Variants in AFDN observed in about 807,000 individuals in gnomAD.
AFDN encodes the protein afadin.
A neutral mutation model predicts 216.6 loss-of-function variants in AFDN; 68 were observed. The ratio of observed to expected loss-of-function variants is 0.31; its 90% CI spans 0.26 to 0.38. The LOEUF is 0.38. AFDN is among the 10% of genes least tolerant of loss of function. The pLI, the probability that AFDN is intolerant of heterozygous loss-of-function variation, is 1.00. For synonymous variants in AFDN, 868 were observed against 853.7 expected, an observed-to-expected ratio of 1.02 and a Z score of -0.29; for missense variants, 2,136 against 2,342.0, an observed-to-expected ratio of 0.91 and a Z score of 1.82.
In AFDN at chr6:167,951,392, C is replaced by A; in HGVS notation, c.4038C>A (p.Gly1346=). The part of the protein sequence containing the change: ...VTPASTLTKS[G]PGRWKTPAAI... ...CTGCTTCCACACTGACCAAAAGTGG[C>A]CCTGGCCGTTGGAAAACACCAGCAG... The change falls in exon 30 of 34, where the codon GGC becomes GGA. Residue 1346 remains glycine (G), a synonymous_variant. Transcript: ENST00000683244. This position sits in a 1 kb window ranked among gnomAD's most constrained non-coding sequence, Gnocchi z 7.1. 2 of 1,614,146 alleles carry A rather than the reference C, an allele frequency of 1.2e-6. No homozygotes were observed. The highest frequency in any genetic ancestry group is 1.7e-6 in the Non-Finnish European group (2 of 1,180,010).
chr6:167,895,759 T>C (rs902666473), intron 9 of AFDN, among the ~76,000 whole-genome samples: 1 of 152,212 alleles, frequency 6.6e-6, no homozygotes, highest in Non-Finnish European at 1.5e-5. Flanking sequence ...TGTGAAACTC[T>C]CAAAGCTTAC....
At chr6:167,878,549 C>T (rs1785684733) in intron 5 of AFDN, among the ~76,000 whole-genome samples, 1 of 152,052 alleles carries the variant, frequency 6.6e-6, no homozygotes, top group South Asian at 2.1e-4. Context: ...CACAGTCATA[C>T]ATGTGCACTC....
chr6:167,895,077 T>C (rs1330083293), intron 9 of AFDN, among the ~76,000 whole-genome samples: 3 of 152,198 alleles, frequency 2.0e-5, no homozygotes, highest in South Asian at 2.1e-4. Flanking sequence ...TATTGATTGC[T>C]AACTATGGAC....
At chr6:167,865,811 T>TA (rs1216486526) in intron 2 of AFDN, among the ~76,000 whole-genome samples, 41 of 151,940 alleles carry the variant, frequency 2.7e-4, no homozygotes, top group Admixed American at 2.2e-3. Context: ...TTTTTTTTTT[T>TA]ACTCAAAAAA....
chr6:167,891,404 GGTGGGTGTGTGT>G (rs1303752562), intron 8 of AFDN, among the ~76,000 whole-genome samples: 9,504 of 138,064 alleles, frequency 0.069, 353 homozygotes, highest in African/African-American at 0.083. Context: ...TTCATAAAGG[GGTGGGTGTGTGT>G]GTGTGTGTGT....
chr6:167,964,437 T>G (rs1797330061), intron 31 of AFDN: 1 of 1,065,252 alleles, frequency 9.4e-7, no homozygotes. Context: ...TATTCCTCAC[T>G]CCAAGGGAAC....
intron 1 of AFDN, among the ~76,000 whole-genome samples, chr6:167,830,088 T>C (rs149125567): frequency 6.6e-6 from 1 of 152,366 alleles, no homozygotes; most frequent in East Asian, 1.9e-4. Flanking sequence ...TCTTGATTAC[T>C]ATGAAAAGCT....
At chr6:167,898,164 A>G in intron 10 of AFDN, 41 bp from the exon 11 acceptor site, 1 of 1,606,418 alleles carries the variant, frequency 6.2e-7, no homozygotes. Context: ...AATGCTGTGA[A>G]CTTCATGATG....
chr6:167,903,464 CTTGAATG>C (rs1379459077), intron 12 of AFDN, among the ~76,000 whole-genome samples: 1 of 152,216 alleles, frequency 6.6e-6, no homozygotes, highest in Non-Finnish European at 1.5e-5. Flanking sequence ...TCCAGGCCTT[CTTGAATG>C]TTAGGCCCAG....
chr6:167,861,762 A>G (rs1197114769), intron 1 of AFDN, among the ~76,000 whole-genome samples: 1 of 152,036 alleles, frequency 6.6e-6, no homozygotes, highest in African/African-American at 2.4e-5. Flanking sequence ...TTGGTTCTTT[A>G]ATATCTGGTA....
chr6:167,944,291 T>A (rs1342681480), intron 26 of AFDN, among the ~76,000 whole-genome samples: 1 of 152,126 alleles, frequency 6.6e-6, no homozygotes, highest in Non-Finnish European at 1.5e-5. Context: ...GCCATTTAAC[T>A]TCACCCCCAC....
intron 5 of AFDN, among the ~76,000 whole-genome samples, chr6:167,878,911 A>G (rs1562597699): frequency 6.6e-6 from 1 of 152,130 alleles, no homozygotes; most frequent in Non-Finnish European, 1.5e-5. Context: ...TCAAATGTTT[A>G]TTCTTCAGAG....
rs138803412 is a variant in AFDN at position 167,964,859 on chromosome 6, T to C, written c.4969-898T>C. 143 of 1,065,454 alleles carry C rather than the reference T, an allele frequency of 1.3e-4. No homozygotes were observed. The East Asian group carries it at 7.0e-3, about 52-fold the overall frequency. The allele number at this position is 1,065,454 out of a possible 1,614,324, so 66.0% of individuals were successfully genotyped here. The stretch of plus-strand genomic sequence containing the variant: ...GTTTGCTCTTTCATCCCCCTTCTTA[T>C]TTACTTTTTTCTTGTGCTCTAAAAC... On this transcript the variant is annotated intron_variant, in intron 31 of 33. Transcript: ENST00000683244.
chr6:167,860,416 G>A (rs1783427565), intron 1 of AFDN, among the ~76,000 whole-genome samples: 1 of 152,128 alleles, frequency 6.6e-6, no homozygotes, highest in South Asian at 2.1e-4. Context: ...ATTGGATCCT[G>A]AGGGAGGACC....
At position 167,965,849 on chromosome 6, in the gene AFDN, G is replaced by T. The variant is rs377617992; in HGVS notation, c.5061G>T (p.Ala1687=). The T allele has an allele frequency of 8.4e-6, 13 of 1,549,810 alleles. No individual in the cohort carries two copies. Among genetic ancestry groups the T allele is most frequent in the Non-Finnish European group, 9.6e-6 (11 of 1,146,812 alleles). Residue 1687 remains alanine, a synonymous_variant, in exon 32 of 34, where the codon GCG becomes GCT. Transcript: ENST00000683244. ...EAARRLLEPE[A]PGLCRPPLPR... is the part of the protein sequence containing the mutation. ...CGCGCAGGTTGCTGGAGCCCGAGGC[G>T]CCCGGTCTGTGCCGCCCTCCGCTTC...
intron 23 of AFDN, among the ~76,000 whole-genome samples, chr6:167,942,359 G>A (rs1157151488): frequency 1.3e-5 from 2 of 152,122 alleles, no homozygotes; most frequent in East Asian, 1.9e-4. Context: ...GTCTTCAATC[G>A]TTGTGACCTA....
intron 1 of AFDN, among the ~76,000 whole-genome samples, chr6:167,832,903 C>A (rs1779982592): frequency 6.6e-6 from 1 of 152,174 alleles, no homozygotes; most frequent in African/African-American, 2.4e-5. Context: ...GTAAGCGTCA[C>A]TCCTTTGTAG....
Position 167,889,264 on chromosome 6 carries a change from A to G in AFDN, c.947A>G (p.Glu316Gly). The G allele has an allele frequency of 6.2e-7, 1 of 1,614,108 alleles. No individual in the cohort carries two copies. The highest frequency in any genetic ancestry group is 8.5e-7 in the Non-Finnish European group (1 of 1,179,986). The change falls in exon 7 of 34, where the codon GAA becomes GGA. Residue 316 changes from glutamate (E) to glycine (G), a missense_variant. By Grantham distance (98) the Glu-to-Gly change is moderately conservative (BLOSUM62 -2). Coordinates refer to ENST00000683244, the MANE Select transcript of AFDN (RefSeq NM_001386888.1). ...CATTCTGATGAAAAGGGTGCTAAAG[A>G]AATTATTCTTGATGATGATGAGTGT... ...AQHSDEKGAK[E>G]IILDDDECPL... is the part of the protein sequence containing the mutation.
intron 27 of AFDN, 32 bp from the exon 28 acceptor site, chr6:167,947,821 A>T: frequency 7.2e-7 from 1 of 1,392,324 alleles, no homozygotes; most frequent in Non-Finnish European, 9.9e-7. Flanking sequence ...ATTTAATATT[A>T]CACTTTTTTT....
Sources: gnomAD v4.1 joint callset for allele counts (sites outside exome capture counted in the v4.1 genomes callset) on GRCh38, gnomAD v4.1.1 for gene constraint, Gnocchi (gnomAD v3.1) non-coding constraint, MANE v1.5 for transcripts, NCBI Gene and HGNC (gene_info 2026-07-23, HGNC 2026-07-21) for gene names.